DEFB135: variants seen among roughly 807,000 people sequenced by gnomAD.
DEFB135 encodes the protein defensin beta 135, also known as beta-defensin 135.
A neutral mutation model predicts 8.9 loss-of-function variants in DEFB135; 14 were observed. That is an observed-to-expected ratio of 1.58 (90% CI 1.04 to 2.47). The LOEUF (loss-of-function observed/expected upper bound fraction) is 2.47. DEFB135 is among the 30% of genes most tolerant of loss of function. The pLI is 0.00. For missense variants in DEFB135, 135 were observed against 94.2 expected, an observed-to-expected ratio of 1.43 and a Z score of -1.79; for synonymous variants, 51 against 34.5, an observed-to-expected ratio of 1.48 and a Z score of -1.67.
At chr8:11,982,530 G>T in intron 1 of DEFB135, 146 bp downstream of exon 1, 1 of 816,562 alleles carries the variant, frequency 1.2e-6, no homozygotes, top group Admixed American at 2.3e-5. Flanking sequence ...TGCTGGGCTG[G>T]TCCAGAGAAT....
chr8:11,984,447 C>G lies in DEFB135; in HGVS notation c.91C>G (p.Gln31Glu). Reference protein sequence around the residue: ...PGRSGPNVYIQKIFASCWRLQ... With the variant: ...PGRSGPNVYIEKIFASCWRLQ... Reference sequence around the variant, plus strand: ...TAGAAGTGGACCCAATGTCTACATACAAAAAATCTTTGCTTCATGTTGGCG... The same window carrying G: ...TAGAAGTGGACCCAATGTCTACATAGAAAAAATCTTTGCTTCATGTTGGCG... The change falls in exon 2 of 2, where the codon CAA (glutamine) becomes GAA (glutamate). Residue 31 changes from glutamine (Q) to glutamate (E), a missense_variant. Physicochemically the swap from Gln to Glu is conservative, Grantham distance 29. Coordinates refer to ENST00000382208, the MANE Select transcript of DEFB135 (RefSeq NM_001033017.3). 6.4e-7 allele frequency: 1 copy of G among 1,567,896 alleles called. No homozygotes were observed. The highest frequency in any genetic ancestry group is 8.7e-7 in the Non-Finnish European group (1 of 1,146,936).
rs931423685 is a variant in DEFB135 at position 11,982,367 on chromosome 8, T to C, written c.47T>C (p.Leu16Pro). The change falls in exon 1 of 2, where the codon CTC becomes CCC. Residue 16 changes from leucine to proline, a missense_variant. By Grantham distance (98) the Leu-to-Pro change is moderately conservative. Coordinates refer to ENST00000382208, the MANE Select transcript of DEFB135 (RefSeq NM_001033017.3). Reference sequence around the variant, plus strand: ...TTGGCCCTCGTGGTCCTTAACTTACTCTTCTATGTTCCACCAGGTAAAATG... The same window carrying C: ...TTGGCCCTCGTGGTCCTTAACTTACCCTTCTATGTTCCACCAGGTAAAATG... ...VLLALVVLNLLFYVPPGRSGP... is the reference protein window; with the variant it reads ...VLLALVVLNLPFYVPPGRSGP... 3.7e-6 allele frequency: 6 copies of C among 1,614,032 alleles called. No individual in the cohort carries two copies. The highest frequency in any genetic ancestry group is 4.2e-6 in the Non-Finnish European group (5 of 1,180,034).
At chr8:11,982,742 GCT>G (rs1799761512) in intron 1 of DEFB135, among the ~76,000 whole-genome samples, 1 of 152,168 alleles carries the variant, frequency 6.6e-6, no homozygotes, top group Admixed American at 6.5e-5. Context: ...TTCTTTGAGG[GCT>G]CTTAGAACTT....
Position 11,982,277 on chromosome 8 carries a change from G to A in DEFB135, c.-44G>A, listed in dbSNP as rs552051969. 1 of 1,609,352 alleles carries A rather than the reference G, an allele frequency of 6.2e-7. No homozygotes were observed. The highest frequency in any genetic ancestry group is 8.5e-7 in the Non-Finnish European group (1 of 1,176,364). On this transcript the variant is annotated 5_prime_UTR_variant, in exon 1 of 2. Transcript: ENST00000382208. The stretch of plus-strand genomic sequence containing the variant: ...CCCCGTCTCTTCAAAGCTGCGGAGA[G>A]AGTGACTCTCCGATGAGTCACAGCT...
In DEFB135 at chr8:11,983,098, A is replaced by G. The variant is rs1044990079; in HGVS notation, c.64+714A>G. On this transcript the variant is annotated intron_variant, in intron 1 of 1. Coordinates refer to ENST00000382208, the MANE Select transcript of DEFB135 (RefSeq NM_001033017.3). ...TCAAGGACCAAGTGTGAAGTGTTTA[A>G]AAGACAGATATGAGGCTGGGCGCGG... Among the ~76,000 whole-genome samples, 6 of 152,312 alleles carry G rather than the reference A, an allele frequency of 3.9e-5. No homozygotes were observed. The East Asian group carries it at 9.7e-4, about 25-fold the overall frequency.
rs1252947713 is a variant in DEFB135, at chr8:11,984,312, C to G, written c.65-109C>G. The G allele has an allele frequency of 4.6e-6, 4 of 876,098 alleles. No individual in the cohort carries two copies. In the African/African-American group the frequency reaches 6.9e-5, roughly 15 times the overall value. 54.3% of individuals were successfully genotyped at this position (876,098 alleles called of 1,614,324 possible). ...ATGTCTTGAGTATCTTTGATCGCGT[C>G]TAATTCATTATTAAAAAGTGAAAAC... On this transcript the variant is annotated intron_variant, in intron 1 of 1. Coordinates refer to ENST00000382208, the MANE Select transcript of DEFB135 (RefSeq NM_001033017.3).
chr8:11,982,782 T>C (rs535529528), intron 1 of DEFB135, among the ~76,000 whole-genome samples: 2 of 152,310 alleles, frequency 1.3e-5, no homozygotes, highest in Admixed American at 1.3e-4. Flanking sequence ...ACCCATGTTA[T>C]TTTTCACTCA....
rs1799812525 is a variant in DEFB135 at position 11,984,448 on chromosome 8, A to G, written c.92A>G (p.Gln31Arg). 3.8e-6 allele frequency: 6 copies of G among 1,569,942 alleles called. No individual in the cohort carries two copies. Among genetic ancestry groups the G allele is most frequent in the Non-Finnish European group, 5.2e-6 (6 of 1,148,458 alleles). Reference protein sequence around the residue: ...PGRSGPNVYIQKIFASCWRLQ... With the variant: ...PGRSGPNVYIRKIFASCWRLQ... The stretch of plus-strand genomic sequence containing the variant: ...AGAAGTGGACCCAATGTCTACATAC[A>G]AAAAATCTTTGCTTCATGTTGGCGA... The change falls in exon 2 of 2, where the codon CAA (glutamine) becomes CGA (arginine). Residue 31 changes from glutamine to arginine, a missense_variant. Coordinates refer to ENST00000382208, the MANE Select transcript of DEFB135 (RefSeq NM_001033017.3).
At chr8:11,983,413 A>C (rs1799781284) in intron 1 of DEFB135, among the ~76,000 whole-genome samples, 1 of 152,136 alleles carries the variant, frequency 6.6e-6, no homozygotes, top group African/African-American at 2.4e-5. Context: ...TAAAAAAAAT[A>C]AATAAAACGA....
chr8:11,984,326 A>G, intron 1 of DEFB135, 95 bp from the exon 2 acceptor site: 4 of 1,033,222 alleles, frequency 3.9e-6, no homozygotes, highest in Non-Finnish European at 5.3e-6. Context: ...TTCATTATTA[A>G]AAAGTGAAAA....
chr8:11,984,447 C>T lies in DEFB135; in HGVS notation c.91C>T (p.Gln31Ter). The T allele has an allele frequency of 6.4e-7, 1 of 1,567,896 alleles. No individual in the cohort carries two copies. The highest frequency in any genetic ancestry group is 8.7e-7 in the Non-Finnish European group (1 of 1,146,936). Residue 31 changes from glutamine to a stop codon, truncating the protein, a stop_gained, in exon 2 of 2, where the codon CAA (glutamine) becomes TAA (stop). Transcript: ENST00000382208. LOFTEE classifies it high-confidence loss of function. ...PGRSGPNVYIQKIFASCWRLQ... is the reference protein window; with the variant it reads ...PGRSGPNVYI ...TAGAAGTGGACCCAATGTCTACATA[C>T]AAAAAATCTTTGCTTCATGTTGGCG...
intron 1 of DEFB135, 70 bp from the exon 2 acceptor site, chr8:11,984,351 C>T (rs1799808356): frequency 1.6e-6 from 2 of 1,242,180 alleles, no homozygotes; most frequent in Non-Finnish European, 2.1e-6. Flanking sequence ...GGTCTGAGGT[C>T]TAATTTTATC....
chr8:11,982,449 C>T, intron 1 of DEFB135, 65 bp downstream of exon 1: 1 of 1,582,088 alleles, frequency 6.3e-7, no homozygotes, highest in Non-Finnish European at 8.7e-7. Flanking sequence ...TGAGGTTCTA[C>T]AAGAGTGAGA....
In DEFB135 at chr8:11,982,265, A is replaced by G; in HGVS notation, c.-56A>G. On this transcript the variant is annotated 5_prime_UTR_variant, in exon 1 of 2. Coordinates refer to ENST00000382208, the MANE Select transcript of DEFB135 (RefSeq NM_001033017.3). Reference sequence around the variant, plus strand: ...AGCCATGCAGCTCCCCGTCTCTTCAAAGCTGCGGAGAGAGTGACTCTCCGA... The same window carrying G: ...AGCCATGCAGCTCCCCGTCTCTTCAGAGCTGCGGAGAGAGTGACTCTCCGA... The G allele has an allele frequency of 6.2e-7, 1 of 1,600,546 alleles. No homozygotes were observed. The highest frequency in any genetic ancestry group is 8.6e-7 in the Non-Finnish European group (1 of 1,169,058).
chr8:11,983,420 A>G (rs1799781439), intron 1 of DEFB135, among the ~76,000 whole-genome samples: 1 of 152,040 alleles, frequency 6.6e-6, no homozygotes, highest in Admixed American at 6.6e-5. Flanking sequence ...AATAAATAAA[A>G]CGAAGACAGA....
intron 1 of DEFB135, 25 bp from the exon 2 acceptor site, chr8:11,984,396 C>T: frequency 1.3e-6 from 2 of 1,488,658 alleles, no homozygotes; most frequent in African/African-American, 1.4e-5. Context: ...ACTAACTGTG[C>T]ATTAACCTTT....
chr8:11,983,963 G>A (rs1799795563), intron 1 of DEFB135, among the ~76,000 whole-genome samples: 1 of 152,050 alleles, frequency 6.6e-6, no homozygotes, highest in African/African-American at 2.4e-5. Context: ...GGAATACAGG[G>A]GTAGAAGTGC....
Position 11,984,472 on chromosome 8 carries a change from G to T in DEFB135, c.116G>T (p.Arg39Leu). ...CAAAAAATCTTTGCTTCATGTTGGC[G>T]ACTGCAAGGTACTTGCCGGCCAAAA... ...YIQKIFASCW[R>L]LQGTCRPKCL... The change falls in exon 2 of 2, where the codon CGA becomes CTA. Residue 39 changes from arginine (R) to leucine (L), a missense_variant. Coordinates refer to ENST00000382208, the MANE Select transcript of DEFB135 (RefSeq NM_001033017.3). 1 of 1,571,646 alleles carries T rather than the reference G, an allele frequency of 6.4e-7. No individual in the cohort carries two copies. Among genetic ancestry groups the T allele is most frequent in the Non-Finnish European group, 8.7e-7 (1 of 1,149,930 alleles).
chr8:11,982,449 C>A (rs1358678634), intron 1 of DEFB135, 65 bp downstream of exon 1: 6 of 1,581,968 alleles, frequency 3.8e-6, no homozygotes, highest in Non-Finnish European at 5.2e-6. Flanking sequence ...TGAGGTTCTA[C>A]AAGAGTGAGA....
Sources: gnomAD v4.1 joint callset for allele counts (sites outside exome capture counted in the v4.1 genomes callset) on GRCh38, gnomAD v4.1.1 for gene constraint, MANE v1.5 for transcripts, NCBI Gene and HGNC (gene_info 2026-07-23, HGNC 2026-07-21) for gene names.